C10orf105: variants seen among roughly 807,000 people sequenced by gnomAD.
C10orf105 encodes the protein uncharacterized protein C10orf105.
Under a neutral mutation model 0.6 loss-of-function variants are expected in C10orf105, and 2 were observed. The ratio of observed to expected loss-of-function variants is 3.18; its 90% CI spans 1.30 to 10.01. C10orf105 has a LOEUF of 10.01. Ranked by LOEUF, C10orf105 falls within the 30% of genes most tolerant of loss-of-function variation. C10orf105 has a pLI of 0.04. For synonymous variants in C10orf105, 95 were observed against 82.4 expected (o/e 1.15, Z -0.83); for missense variants, 209 against 191.4 (o/e 1.09, Z -0.54).
chr10:71,737,147 G>A (rs1274673207), intron 1 of C10orf105, among the ~76,000 whole-genome samples: 2 of 152,134 alleles, frequency 1.3e-5, no homozygotes, highest in Non-Finnish European at 2.9e-5. Context: ...TCAAATGGGC[G>A]GACTGGGGCT....
chr10:71,734,009 G>A (rs1403689560), intron 1 of C10orf105, among the ~76,000 whole-genome samples: 2 of 152,228 alleles, frequency 1.3e-5, no homozygotes, highest in East Asian at 3.8e-4. Flanking sequence ...GAGGGGTAGT[G>A]GAGCCCCTCA....
chr10:71,720,230 G>A (rs1386050375), upstream of C10orf105, among the ~76,000 whole-genome samples: 1 of 152,152 alleles, frequency 6.6e-6, no homozygotes, highest in Non-Finnish European at 1.5e-5. Flanking sequence ...TTCCTTCCAG[G>A]CTTTTCCCTC....
chr10:71,727,545 C>T (rs1866871713), intron 1 of C10orf105, among the ~76,000 whole-genome samples: 1 of 152,240 alleles, frequency 6.6e-6, no homozygotes, highest in African/African-American at 2.4e-5. Flanking sequence ...TTGCAGGAAC[C>T]ATCCACATCC....
chr10:71,732,635 A>C, intron 1 of C10orf105: 1 of 1,395,024 alleles, frequency 7.2e-7, no homozygotes, highest in Admixed American at 3.0e-5. Context: ...CTTGTCTCTT[A>C]CAAAGAAACA....
At chr10:71,718,376 C>A (rs1267156290) in intron 1 of C10orf105, among the ~76,000 whole-genome samples, 1 of 152,046 alleles carries the variant, frequency 6.6e-6, no homozygotes, top group Admixed American at 6.6e-5. Flanking sequence ...CCCACCACCA[C>A]CCCTCCCAGC....
chr10:71,725,597 T>C, intron 1 of C10orf105: 7 of 1,504,632 alleles, frequency 4.7e-6, no homozygotes, highest in African/African-American at 2.8e-5. Context: ...AGGCCATTAG[T>C]TGGCGCCTGG....
At chr10:71,734,507 G>C in intron 1 of C10orf105, 2 of 1,580,590 alleles carry the variant, frequency 1.3e-6, no homozygotes, top group South Asian at 1.1e-5. Context: ...CTTCCCAGCA[G>C]GTTGGGCTAG....
intron 1 of C10orf105, among the ~76,000 whole-genome samples, chr10:71,736,524 A>G (rs1028796423): frequency 2.6e-5 from 4 of 152,164 alleles, no homozygotes; most frequent in African/African-American, 9.7e-5. Context: ...TTCAGGGGGT[A>G]GGGGAGGGCA....
intron 1 of C10orf105, chr10:71,734,624 C>T (rs1839503762): frequency 6.5e-7 from 1 of 1,539,650 alleles, no homozygotes. Flanking sequence ...CCTTTTCTCT[C>T]ACTCCCCTCC....
upstream of C10orf105, chr10:71,724,108 A>C: frequency 6.4e-7 from 1 of 1,556,270 alleles, no homozygotes; most frequent in Middle Eastern, 1.7e-4. Context: ...CCTCCATGGT[A>C]AGTGGGGCTG....
At chr10:71,722,071 A>G (rs74147038), upstream of C10orf105, among the ~76,000 whole-genome samples, 145 of 152,308 alleles carry the variant, frequency 9.5e-4, 1 homozygote, top group African/African-American at 3.4e-3. Context: ...TCTTCTCTGC[A>G]GTTTTGTCCA....
In C10orf105 at chr10:71,712,661, A is replaced by T. The variant is rs941805977; in HGVS notation, c.*3275T>A. 5.0e-6 allele frequency: 8 copies of T among 1,613,028 alleles called. No homozygotes were observed. The highest frequency in any genetic ancestry group is 3.3e-5 in the Admixed American group (2 of 60,006). On this transcript the variant is annotated 3_prime_UTR_variant, in exon 2 of 2. Coordinates refer to ENST00000441508, the MANE Select transcript of C10orf105 (RefSeq NM_001164375.3). ...TAACACCTGTCTTCCTTCAACTCCC[A>T]CAGACAACGGCCCTGTAGGGAAGCG...
intron 1 of C10orf105, among the ~76,000 whole-genome samples, chr10:71,733,776 T>C (rs1365037475): frequency 6.6e-6 from 1 of 152,244 alleles, no homozygotes; most frequent in African/African-American, 2.4e-5. Flanking sequence ...TCGTCTTTGC[T>C]TTAGTGTATC....
chr10:71,723,409 C>T (rs1231101156), upstream of C10orf105, among the ~76,000 whole-genome samples: 1 of 152,124 alleles, frequency 6.6e-6, no homozygotes, highest in Non-Finnish European at 1.5e-5. Flanking sequence ...AACAACGTCC[C>T]CCCCCACACA....
At chr10:71,724,134 C>T (rs372567303), upstream of C10orf105, 508 of 1,551,454 alleles carry the variant, frequency 3.3e-4, 3 homozygotes, top group Middle Eastern at 3.5e-3. Context: ...GGATGGGGGG[C>T]GGTCCTCCTG....
At position 71,732,752 on chromosome 10, in the gene C10orf105, T is replaced by C. The variant is rs191431353; in HGVS notation, c.-6+4976A>G. 1.4e-5 allele frequency: 16 copies of C among 1,107,428 alleles called. No homozygotes were observed. In the East Asian group the frequency reaches 7.2e-4, roughly 50 times the overall value. The allele number at this position is 1,107,428 out of a possible 1,614,324, so 68.6% of individuals were successfully genotyped here. Reference sequence around the variant, plus strand: ...GCTGGTATCCTTCTGTTTTTCCTTCTGTTTTCACACCCATCACAGATCCTT... The same window carrying C: ...GCTGGTATCCTTCTGTTTTTCCTTCCGTTTTCACACCCATCACAGATCCTT... On this transcript the variant is annotated intron_variant, in intron 1 of 1. Transcript: ENST00000398786.
Position 71,712,619 on chromosome 10 carries a change from C to T in C10orf105, c.*3317G>A, listed in dbSNP as rs1464900269. ...GTGCAAAGTCACAGGAAGTGTGCCC[C>T]TCTCTCAGGCAGCTGCTAACACCTG... On this transcript the variant is annotated 3_prime_UTR_variant, in exon 2 of 2. Coordinates refer to ENST00000441508, the MANE Select transcript of C10orf105 (RefSeq NM_001164375.3). 5.0e-6 allele frequency: 8 copies of T among 1,605,000 alleles called. No individual in the cohort carries two copies. Among genetic ancestry groups the T allele is most frequent in the East Asian group, 2.2e-5 (1 of 44,630 alleles).
upstream of C10orf105, among the ~76,000 whole-genome samples, chr10:71,721,864 G>A (rs1363364755): frequency 6.6e-6 from 1 of 152,114 alleles, no homozygotes; most frequent in Non-Finnish European, 1.5e-5. Flanking sequence ...CCAGACTGGG[G>A]TCCTAGTTCC....
intron 1 of C10orf105, among the ~76,000 whole-genome samples, chr10:71,726,184 C>T (rs1318908480): frequency 6.6e-6 from 1 of 152,140 alleles, no homozygotes; most frequent in Non-Finnish European, 1.5e-5. Flanking sequence ...CTCTCAAGGC[C>T]GCTTCACCCC....
Sources: allele counts gnomAD v4.1 joint callset (sites outside exome capture counted in the v4.1 genomes callset), GRCh38; gene constraint gnomAD v4.1.1; transcripts MANE v1.5; gene names NCBI Gene and HGNC (gene_info 2026-07-23, HGNC 2026-07-21).